Variants in CALN1 observed in about 807,000 individuals in gnomAD.
The protein encoded by CALN1 is calcium-binding protein 8.
CALN1 carries 17 observed loss-of-function variants against 30.6 expected under a neutral mutation model. The ratio of observed to expected loss-of-function variants is 0.56; its 90% CI spans 0.38 to 0.83. The LOEUF (loss-of-function observed/expected upper bound fraction) is 0.83. CALN1 is among the 40% of genes least tolerant of loss of function. The probability of loss-of-function intolerance (pLI) is 0.00; values close to 1 mark genes in which losing one functional copy is unlikely to be tolerated. For synonymous variants in CALN1, 156 were observed against 131.4 expected, an observed-to-expected ratio of 1.19 and a Z score of -1.28; for missense variants, 291 against 354.9, an observed-to-expected ratio of 0.82 and a Z score of 1.45.
At chr7:72,100,560 T>C (rs1346578080) in intron 4 of CALN1, among the ~76,000 whole-genome samples, 1 of 152,078 alleles carries the variant, frequency 6.6e-6, no homozygotes, top group Non-Finnish European at 1.5e-5. Context: ...GGCTCATGCC[T>C]GTAATCCCAG....
chr7:72,209,029 C>CTTCCCTCTTTCCTTCCTTCCCTCT (rs1562739116), intron 3 of CALN1, among the ~76,000 whole-genome samples: 1 of 61,500 alleles, frequency 1.6e-5, no homozygotes, highest in African/African-American at 4.5e-5. Context: ...TCCTTCCCTC[C>CTTCCCTCTTTCCTTCCTTCCCTCT]TTCCTTCTCT....
At chr7:72,103,135 T>C (rs938756775) in intron 4 of CALN1, 1 of 151,190 alleles carries the variant, frequency 6.6e-6, no homozygotes, top group Admixed American at 6.6e-5. Flanking sequence ...ATGAAAATGT[T>C]CTAAAATCGA....
rs566980715 is a variant in CALN1, at chr7:71,878,678, G to T, written c.502-68186C>A. Among the ~76,000 whole-genome samples the T allele has an allele frequency of 3.2e-4, 49 of 152,268 alleles. 1 individual carries two copies. The highest frequency in any genetic ancestry group is 9.2e-4 in the Admixed American group (14 of 15,298). On this transcript the variant is annotated intron_variant, in intron 5 of 6. Coordinates refer to ENST00000395275, the MANE Select transcript of CALN1 (RefSeq NM_031468.4). Reference sequence around the variant, plus strand: ...CCAATGTAGAGTGTGGGAGGTCCTTGAAAACACAAAAATGCCCATGAAATG... The same window carrying T: ...CCAATGTAGAGTGTGGGAGGTCCTTTAAAACACAAAAATGCCCATGAAATG...
chr7:72,122,509 T>G (rs1380833979), intron 3 of CALN1, among the ~76,000 whole-genome samples: 1 of 152,048 alleles, frequency 6.6e-6, no homozygotes, highest in Non-Finnish European at 1.5e-5. Flanking sequence ...GGCCAAGGTG[T>G]GAGGATGACT....
intron 5 of CALN1, among the ~76,000 whole-genome samples, chr7:71,936,734 G>T (rs1198385298): frequency 6.6e-6 from 1 of 152,106 alleles, no homozygotes; most frequent in Non-Finnish European, 1.5e-5. Context: ...CATATGGTCT[G>T]GCTCTGTGTC....
At chr7:72,420,623 T>G (rs1471534644) in intron 1 of CALN1, among the ~76,000 whole-genome samples, 1 of 140,864 alleles carries the variant, frequency 7.1e-6, no homozygotes, top group African/African-American at 2.8e-5. Context: ...GGATGCATCT[T>G]TTTTTTTTTT....
At chr7:71,889,059 G>A (rs1213409717) in intron 5 of CALN1, among the ~76,000 whole-genome samples, 4 of 152,218 alleles carry the variant, frequency 2.6e-5, no homozygotes, top group Middle Eastern at 3.2e-3. Context: ...GGGGACAGGT[G>A]CAGGAACTGC....
chr7:72,349,526 AC>A (rs1802816861), intron 2 of CALN1, among the ~76,000 whole-genome samples: 1 of 152,180 alleles, frequency 6.6e-6, no homozygotes, highest in Non-Finnish European at 1.5e-5. Context: ...AAGAAAAAAA[AC>A]ATTATAGCAG....
In CALN1 at chr7:72,408,270, T is replaced by TAA. The variant is rs34402288; in HGVS notation, c.-74+3786_-74+3787dup. 2.9e-3 allele frequency among the ~76,000 whole-genome samples: 370 copies of TAA among 129,442 alleles called. 2 individuals are homozygous for TAA. Among genetic ancestry groups the TAA allele is most frequent in the East Asian group, 0.016 (68 of 4,172 alleles). 84.9% of individuals were successfully genotyped at this position (129,442 alleles called of 152,430 possible). ...CAACATGGTGAAACCCCATCTCTAT[T>TAA]AAAAAAAAAAAAAAAAAAAAATTAG... On this transcript the variant is annotated intron_variant, in intron 1 of 6. Transcript: ENST00000395275.
At chr7:72,247,045 TG>T (rs1795215354) in intron 3 of CALN1, among the ~76,000 whole-genome samples, 1 of 151,754 alleles carries the variant, frequency 6.6e-6, no homozygotes, top group Non-Finnish European at 1.5e-5. Flanking sequence ...AGAGCCACTG[TG>T]CCCGGCCAGC....
chr7:72,194,701 C>A (rs1224956431), intron 3 of CALN1, among the ~76,000 whole-genome samples: 2 of 150,056 alleles, frequency 1.3e-5, no homozygotes, highest in Non-Finnish European at 1.5e-5. Flanking sequence ...AAGCGATTCT[C>A]CTGCCTCGGC....
rs563896025 is a variant in CALN1 at position 71,870,006 on chromosome 7, C to T, written c.502-59514G>A. Among the ~76,000 whole-genome samples the T allele has an allele frequency of 1.7e-3, 255 of 152,288 alleles. 2 individuals are homozygous for T. Among genetic ancestry groups the T allele is most frequent in the Non-Finnish European group, 1.7e-3 (118 of 68,024 alleles). ...TTAGCACATCGCAGGAAATCCCCAA[C>T]GGCCGTAGTTACCTCTGGGGAGAAA... On this transcript the variant is annotated intron_variant, in intron 5 of 6. Coordinates refer to ENST00000395275, the MANE Select transcript of CALN1 (RefSeq NM_031468.4).
At chr7:72,498,458 G>A in the CALN1 span, among the ~76,000 whole-genome samples, 1 of 151,878 alleles carries the variant, frequency 6.6e-6, no homozygotes, top group Non-Finnish European at 1.5e-5. Flanking sequence ...ATACAAGGAA[G>A]CAATAATAAA....
chr7:71,800,429 G>A (rs1213057404), intron 6 of CALN1, among the ~76,000 whole-genome samples: 1 of 152,128 alleles, frequency 6.6e-6, no homozygotes, highest in African/African-American at 2.4e-5. Flanking sequence ...ATTCAGAGCA[G>A]CTCTGTCTTG....
intron 4 of CALN1, among the ~76,000 whole-genome samples, chr7:72,060,581 G>A (rs957400701): frequency 6.6e-6 from 1 of 152,106 alleles, no homozygotes; most frequent in African/African-American, 2.4e-5. Context: ...CATGTGAGAT[G>A]GTTTGGATAT....
At chr7:72,320,839 A>G (rs1800825222) in intron 2 of CALN1, among the ~76,000 whole-genome samples, 3 of 149,856 alleles carry the variant, frequency 2.0e-5, no homozygotes, top group African/African-American at 7.4e-5. Context: ...CATCTCAAAA[A>G]AAAAAAAAAA....
intron 3 of CALN1, among the ~76,000 whole-genome samples, chr7:72,263,973 C>T (rs1796446521): frequency 6.6e-6 from 1 of 152,172 alleles, no homozygotes; most frequent in African/African-American, 2.4e-5. Context: ...AACTGCTTTG[C>T]ATAAATATTA....
At chr7:72,105,678 T>A (rs1289452701) in intron 4 of CALN1, among the ~76,000 whole-genome samples, 1 of 150,014 alleles carries the variant, frequency 6.7e-6, no homozygotes, top group African/African-American at 2.5e-5. Flanking sequence ...ACTTTAAATG[T>A]GTGAATTTTA....
intron 5 of CALN1, among the ~76,000 whole-genome samples, chr7:71,812,909 AT>A (rs1788038354): frequency 7.0e-6 from 1 of 143,022 alleles, no homozygotes; most frequent in African/African-American, 2.6e-5. Context: ...ATGTCCAGCT[AT>A]TTTATTTATC....
Sources: allele counts gnomAD v4.1 joint callset (sites outside exome capture counted in the v4.1 genomes callset), GRCh38; gene constraint gnomAD v4.1.1; transcripts MANE v1.5; gene names NCBI Gene and HGNC (gene_info 2026-07-23, HGNC 2026-07-21).